The following SNRPN variants were observed in gnomAD, a reference collection of about 807,000 sequenced individuals.
SNRPN encodes the protein small nuclear ribonucleoprotein polypeptide N, also known as small nuclear ribonucleoprotein-associated protein N.
A neutral mutation model predicts 25.2 loss-of-function variants in SNRPN; 7 were observed. The observed-to-expected ratio is 0.28, with a 90% CI of 0.16 to 0.52. The LOEUF (loss-of-function observed/expected upper bound fraction) is 0.52. SNRPN is among the 20% of genes least tolerant of loss of function. The pLI is 0.96. For synonymous variants in SNRPN, 124 were observed against 110.6 expected (o/e 1.12, Z -0.76); for missense variants, 196 against 322.5 (o/e 0.61, Z 3.00).
At chr15:24,852,898 C>T (rs914301902), upstream of SNRPN, among the ~76,000 whole-genome samples, 15 of 151,930 alleles carry the variant, frequency 9.9e-5, no homozygotes, top group Middle Eastern at 3.2e-3. Context: ...TGTGCCATAG[C>T]GCTCCAACCT....
chr15:24,930,355 ATATTT>A (rs1233300877), intron 3 of SNRPN, among the ~76,000 whole-genome samples: 1 of 151,704 alleles, frequency 6.6e-6, no homozygotes, highest in African/African-American at 2.4e-5. Flanking sequence ...AGGGCAAAAA[ATATTT>A]TATGCATAGA....
At chr15:24,854,866 G>A (rs1206860921), upstream of SNRPN, among the ~76,000 whole-genome samples, 4 of 152,064 alleles carry the variant, frequency 2.6e-5, no homozygotes, top group African/African-American at 9.7e-5. Flanking sequence ...TGGGTGTGGT[G>A]ATGGGCACCT....
chr15:24,904,760 T>C (rs1310759779), intron 2 of SNRPN, among the ~76,000 whole-genome samples: 2 of 151,838 alleles, frequency 1.3e-5, no homozygotes, highest in African/African-American at 4.8e-5. Context: ...GATCAGGAGT[T>C]CAAGACTAGC....
In SNRPN at chr15:24,975,471, T is replaced by C; in HGVS notation, c.117T>C (p.Asn39=). 6.2e-7 allele frequency: 1 copy of C among 1,614,056 alleles called. No homozygotes were observed. Among genetic ancestry groups the C allele is most frequent in the East Asian group, 2.2e-5 (1 of 44,868 alleles). Residue 39 remains asparagine (N), a synonymous_variant, in exon 5 of 10, where the codon AAT becomes AAC. Coordinates refer to ENST00000390687, the MANE Select transcript of SNRPN (RefSeq NM_003097.6). ...TTAAGGCTTTTGACAAGCATATGAA[T>C]TTGATCCTCTGTGATTGTGATGAGT... ...GTFKAFDKHM[N]LILCDCDEFR...
chr15:24,909,168 A>G (rs1167132217), intron 2 of SNRPN: 16 of 1,416,742 alleles, frequency 1.1e-5, no homozygotes, highest in Non-Finnish European at 1.6e-5. Context: ...TGTTTCTTGT[A>G]AGCATTTTCA....
At chr15:24,840,231 G>A (rs986336876) in intron 2 of SNRPN, among the ~76,000 whole-genome samples, 3 of 152,210 alleles carry the variant, frequency 2.0e-5, no homozygotes, top group East Asian at 1.9e-4. Context: ...GGTGGCATGC[G>A]CCTGTAATCC....
chr15:24,974,507 G>T (rs528549624), intron 4 of SNRPN, 51 bp downstream of exon 4: 1 of 1,580,668 alleles, frequency 6.3e-7, no homozygotes, highest in South Asian at 1.1e-5. Context: ...AGGGCCGAAA[G>T]AAATAGTTTG....
chr15:24,886,422 A>G (rs1041725104), intron 1 of SNRPN: 8 of 152,198 alleles, frequency 5.3e-5, no homozygotes, highest in Admixed American at 5.2e-4. Context: ...AGGCCCCATT[A>G]CGGCGGTCCC....
intron 2 of SNRPN, among the ~76,000 whole-genome samples, chr15:24,964,938 G>C (rs1395409513): frequency 6.6e-6 from 1 of 152,124 alleles, no homozygotes; most frequent in African/African-American, 2.4e-5. Context: ...GCATATATAT[G>C]TACAAATACT....
At chr15:24,949,851 C>T (rs774710392) in intron 3 of SNRPN, among the ~76,000 whole-genome samples, 97 of 149,648 alleles carry the variant, frequency 6.5e-4, no homozygotes, top group African/African-American at 2.2e-3. Flanking sequence ...TTTTGGAGAA[C>T]GGGTCTCACT....
intron 2 of SNRPN, among the ~76,000 whole-genome samples, chr15:24,903,172 C>T (rs1022256467): frequency 6.6e-5 from 10 of 152,280 alleles, no homozygotes; most frequent in African/African-American, 2.4e-4. Context: ...ATTTTATTTA[C>T]CTGAATCAAT....
intron 1 of SNRPN, among the ~76,000 whole-genome samples, chr15:24,960,651 T>C (rs1003942176): frequency 1.3e-5 from 2 of 152,236 alleles, no homozygotes; most frequent in Non-Finnish European, 2.9e-5. Context: ...CAGCATCATT[T>C]CATATAGATT....
intron 2 of SNRPN, among the ~76,000 whole-genome samples, chr15:24,845,030 A>C (rs192060905): frequency 2.6e-5 from 4 of 152,216 alleles, no homozygotes; most frequent in African/African-American, 9.6e-5. Context: ...TGGCATATGA[A>C]TGCTCTGTTG....
At chr15:24,850,207 C>G (rs910156453) in intron 2 of SNRPN, 3 of 152,234 alleles carry the variant, frequency 2.0e-5, no homozygotes, top group Non-Finnish European at 4.4e-5. Context: ...CATGTCATGG[C>G]TGCCAACAGG....
chr15:24,835,378 G>T (rs898005502), intron 2 of SNRPN, among the ~76,000 whole-genome samples: 2 of 151,608 alleles, frequency 1.3e-5, no homozygotes, highest in South Asian at 2.1e-4. Context: ...AAATGCCTAA[G>T]AATTTAAAAT....
intron 2 of SNRPN, among the ~76,000 whole-genome samples, chr15:24,901,660 T>A (rs1013998060): frequency 6.6e-6 from 1 of 152,182 alleles, no homozygotes; most frequent in African/African-American, 2.4e-5. Context: ...CTTTAGTGAG[T>A]GGGCATATTT....
chr15:24,925,510 C>G (rs1406051345), intron 3 of SNRPN, among the ~76,000 whole-genome samples: 1 of 152,132 alleles, frequency 6.6e-6, no homozygotes, highest in East Asian at 1.9e-4. Context: ...CTCCACACCC[C>G]AGTTCCTCTG....
Position 24,888,112 on chromosome 15 carries a change from C to CTT in SNRPN, c.-505+1536_-505+1537dup, listed in dbSNP as rs113183574. Among the ~76,000 whole-genome samples the CTT allele has an allele frequency of 3.6e-3, 506 of 139,914 alleles. 5 individuals carry two copies. The highest frequency in any genetic ancestry group is 0.011 in the African/African-American group (409 of 38,548). The allele number at this position is 139,914 out of a possible 152,430, so 91.8% of individuals were successfully genotyped here. ...AAAATGACAAATATATTAGAAATGA[C>CTT]TTTTTTTTTTTTTTGAGATGTAGTC... On this transcript the variant is annotated intron_variant, in intron 2 of 11. Coordinates refer to the SNRPN transcript ENST00000400097.
chr15:24,861,357 A>G (rs2147283022), intron 1 of SNRPN, among the ~76,000 whole-genome samples: 1 of 152,322 alleles, frequency 6.6e-6, no homozygotes, highest in Non-Finnish European at 1.5e-5. Flanking sequence ...TTGTAACACA[A>G]TGATAAGTAT....
Sources: gnomAD v4.1 joint callset for allele counts (sites outside exome capture counted in the v4.1 genomes callset) on GRCh38, gnomAD v4.1.1 for gene constraint, MANE v1.5 for transcripts, NCBI Gene and HGNC (gene_info 2026-07-23, HGNC 2026-07-21) for gene names.